Variants in UMODL1 observed in about 807,000 individuals in gnomAD.
UMODL1 encodes the protein uromodulin-like 1.
In UMODL1, 128 loss-of-function variants were observed where a neutral mutation model predicts 136.3. The ratio of observed to expected loss-of-function variants is 0.94; its 90% CI spans 0.81 to 1.09. UMODL1 has a LOEUF of 1.09. Among genes scored for constraint, UMODL1 ranks in the 50% least tolerant of loss-of-function variants. UMODL1 has a pLI of 0.00. For synonymous variants in UMODL1, 721 were observed against 720.0 expected (o/e 1.00, Z -0.02); for missense variants, 1,766 against 1,725.6 (o/e 1.02, Z -0.41).
intron 9 of UMODL1, chr21:42,108,180 C>A (rs2066750240): frequency 5.1e-5 from 22 of 427,994 alleles, no homozygotes; most frequent in South Asian, 3.8e-4. Flanking sequence ...AAATAGACAT[C>A]AGGTGCTTGG....
At chr21:42,110,295 G>A (rs1044450879) in intron 10 of UMODL1, among the ~76,000 whole-genome samples, 2 of 152,202 alleles carry the variant, frequency 1.3e-5, no homozygotes, top group Admixed American at 6.5e-5. Flanking sequence ...ATGTCGGCCC[G>A]GACACAGGCG....
intron 1 of UMODL1, among the ~76,000 whole-genome samples, chr21:42,065,773 C>A (rs1450216897): frequency 2.6e-5 from 4 of 152,082 alleles, no homozygotes; most frequent in Admixed American, 2.0e-4. Flanking sequence ...ACCTTGTGAT[C>A]TGGCCGCCTC....
At chr21:42,120,093 A>G (rs1244413374) in intron 15 of UMODL1, among the ~76,000 whole-genome samples, 8 of 152,246 alleles carry the variant, frequency 5.3e-5, no homozygotes, top group African/African-American at 1.7e-4. Context: ...ATGAATGACT[A>G]ACAAAGATGT....
At chr21:42,075,394 C>T (rs1266566416) in intron 1 of UMODL1, among the ~76,000 whole-genome samples, 3 of 152,176 alleles carry the variant, frequency 2.0e-5, no homozygotes, top group South Asian at 2.1e-4. Flanking sequence ...ACTTCTCACA[C>T]ACTTGCCACA....
chr21:42,124,012 G>A (rs186112708), intron 17 of UMODL1, among the ~76,000 whole-genome samples: 6 of 152,322 alleles, frequency 3.9e-5, no homozygotes, highest in Admixed American at 2.6e-4. Context: ...CCCCTTGCAG[G>A]TGACTCTGGG....
At chr21:42,103,510 C>T (rs2066664530) in intron 8 of UMODL1, 2 of 384,086 alleles carry the variant, frequency 5.2e-6, no homozygotes, top group Non-Finnish European at 5.2e-6. Context: ...GGTGGGGCCT[C>T]TCCATCTATC....
Position 42,076,319 on chromosome 21 carries a change from T to G in UMODL1, c.319+72T>G. ...AGACGCCTGATGGGACAGTCACCGT[T>G]GGCATCCATTGGCCCCGAACTTGCT... On this transcript the variant is annotated intron_variant, in intron 2 of 22. Coordinates refer to ENST00000408910, the MANE Select transcript of UMODL1 (RefSeq NM_001004416.3). 3 of 1,589,470 alleles carry G rather than the reference T, an allele frequency of 1.9e-6. No homozygotes were observed. In the South Asian group the frequency reaches 3.4e-5, roughly 18 times the overall value.
intron 6 of UMODL1, among the ~76,000 whole-genome samples, chr21:42,096,558 C>T (rs776337634): frequency 2.6e-5 from 4 of 152,196 alleles, no homozygotes; most frequent in Non-Finnish European, 4.4e-5. Context: ...AACTCTGCTC[C>T]GTTCAGAAGC....
chr21:42,071,136 G>T (rs1044496428), upstream of UMODL1, among the ~76,000 whole-genome samples: 1 of 152,194 alleles, frequency 6.6e-6, no homozygotes, highest in Non-Finnish European at 1.5e-5. Context: ...TAACGAGCAG[G>T]CATAAGGGAC....
chr21:42,121,490 A>G (rs540116272), intron 16 of UMODL1, among the ~76,000 whole-genome samples: 1 of 152,284 alleles, frequency 6.6e-6, no homozygotes, highest in South Asian at 2.1e-4. Flanking sequence ...GCTAGCTCTG[A>G]TATCCATGGA....
Position 42,080,746 on chromosome 21 carries a change from AG to A in UMODL1, c.320-3335del, listed in dbSNP as rs748045420. On this transcript the variant is annotated intron_variant, in intron 2 of 22. Coordinates refer to ENST00000408910, the MANE Select transcript of UMODL1 (RefSeq NM_001004416.3). ...ACCACCTTTCACATGTTCTTTATCC[AG>A]GGCAGACATTTCACAAGAGGATGGC... 2.0e-5 allele frequency among the ~76,000 whole-genome samples: 3 copies of A among 152,250 alleles called. No homozygotes were observed. The South Asian group carries it at 6.2e-4, about 31-fold the overall frequency.
chr21:42,120,933 C>A, intron 15 of UMODL1, 154 bp from the exon 16 acceptor site: 2 of 937,204 alleles, frequency 2.1e-6, no homozygotes, highest in Non-Finnish European at 3.2e-6. Context: ...CAGGAAGCCT[C>A]CTGTACTTTC....
upstream of UMODL1, among the ~76,000 whole-genome samples, chr21:42,068,636 C>T (rs1404758327): frequency 6.6e-6 from 1 of 152,198 alleles, no homozygotes; most frequent in East Asian, 1.9e-4. This position sits in a 1 kb window ranked among gnomAD's most constrained non-coding sequence, Gnocchi z 5.5. Context: ...GCAGCCGTTA[C>T]CATGCATGCC....
rs376393066 is a variant in UMODL1 at position 42,127,832 on chromosome 21, G to A, written c.3690+1G>A. On this transcript the variant is annotated splice_donor_variant, in intron 20 of 22. Transcript: ENST00000408910. LOFTEE classifies it high-confidence loss of function. ...ATCCCCCGGAGCCACGTGCAAAATC[G>A]TAAGTGTTTTTTGGTTTTCTAAACG... 5.6e-5 allele frequency: 91 copies of A among 1,610,928 alleles called. No homozygotes were observed. Among genetic ancestry groups the A allele is most frequent in the South Asian group, 7.7e-5 (7 of 90,360 alleles).
intron 6 of UMODL1, among the ~76,000 whole-genome samples, chr21:42,095,087 C>CTGTTTTTT (rs2066538585): frequency 2.9e-5 from 1 of 34,048 alleles, no homozygotes; most frequent in Non-Finnish European, 7.2e-5. Context: ...TTTTCTTCTG[C>CTGTTTTTT]TGTTTTTTTT....
At chr21:42,075,019 C>T (rs1298830799) in intron 1 of UMODL1, among the ~76,000 whole-genome samples, 1 of 152,150 alleles carries the variant, frequency 6.6e-6, no homozygotes, top group Non-Finnish European at 1.5e-5. Context: ...CTGCCTCAGC[C>T]TCCCAAGTAG....
At chr21:42,095,075 T>C (rs1177678156) in intron 6 of UMODL1, among the ~76,000 whole-genome samples, 1 of 142,804 alleles carries the variant, frequency 7.0e-6, no homozygotes, top group Non-Finnish European at 1.5e-5. Flanking sequence ...ATCACTCCTT[T>C]GTTTTCTTCT....
chr21:42,102,098 T>C, intron 7 of UMODL1, 68 bp from the exon 8 acceptor site: 1 of 1,249,286 alleles, frequency 8.0e-7, no homozygotes, highest in African/African-American at 1.5e-5. Context: ...GTAGGCTTCA[T>C]GGAAAACATT....
rs143086841 is a variant in UMODL1 at position 42,138,253 on chromosome 21, G to C, written c.*21+612G>C. On this transcript the variant is annotated intron_variant, in intron 22 of 22. Transcript: ENST00000408910. ...AGATGCCCAAGAGGCCCCGCTATGG[G>C]GTCTGACGCCCTCAATTGCTGGTGG... 2.6e-3 allele frequency among the ~76,000 whole-genome samples: 397 copies of C among 152,284 alleles called. 2 individuals are homozygous for C. Among genetic ancestry groups the C allele is most frequent in the African/African-American group, 9.3e-3 (386 of 41,546 alleles).
Sources: gnomAD v4.1 joint callset for allele counts (sites outside exome capture counted in the v4.1 genomes callset) on GRCh38, gnomAD v4.1.1 for gene constraint, Gnocchi (gnomAD v3.1) non-coding constraint, MANE v1.5 for transcripts, NCBI Gene and HGNC (gene_info 2026-07-23, HGNC 2026-07-21) for gene names.